Variants in AGBL4 observed in about 807,000 individuals in gnomAD.
AGBL4 encodes the protein AGBL carboxypeptidase 4.
In AGBL4, 58 loss-of-function variants were observed where a neutral mutation model predicts 66.4. The observed-to-expected ratio is 0.87, with a 90% confidence interval of 0.71 to 1.09. AGBL4 has a LOEUF of 1.09. Among genes scored for constraint, AGBL4 ranks in the 50% least tolerant of loss-of-function variants. AGBL4 has a pLI of 0.00. For missense variants in AGBL4, 579 were observed against 631.0 expected (o/e 0.92, Z 0.88); for synonymous variants, 234 against 222.9 (o/e 1.05, Z -0.44).
chr1:49,245,818 T>C lies in AGBL4; in HGVS notation c.329A>G (p.Tyr110Cys). ...IVNFSKTKSLYRDGMAPMVKS... is the reference protein window; with the variant it reads ...IVNFSKTKSLCRDGMAPMVKS... ...CACCATAGGGGCCATCCCATCTCTATAGAGACTCTTGGTTTTACTGAAGTT... is the reference window on the plus strand; with the variant it reads ...CACCATAGGGGCCATCCCATCTCTACAGAGACTCTTGGTTTTACTGAAGTT... The change falls in exon 4 of 14, where the codon TAT becomes TGT. Residue 110 changes from tyrosine to cysteine, a missense_variant. Coordinates refer to ENST00000371839, the MANE Select transcript of AGBL4 (RefSeq NM_032785.4). The C allele has an allele frequency of 1.3e-6, 2 of 1,549,868 alleles. No individual in the cohort carries two copies. Among genetic ancestry groups the C allele is most frequent in the East Asian group, 2.4e-5 (1 of 40,868 alleles).
intron 2 of AGBL4, among the ~76,000 whole-genome samples, chr1:49,838,680 TC>T (rs1645913346): frequency 6.6e-6 from 1 of 152,218 alleles, no homozygotes; most frequent in South Asian, 2.1e-4. Flanking sequence ...AGTTAATATT[TC>T]TTCAAGTGTT....
At chr1:49,964,443 T>C (rs1477679515) in intron 1 of AGBL4, among the ~76,000 whole-genome samples, 4 of 152,032 alleles carry the variant, frequency 2.6e-5, no homozygotes, top group African/African-American at 9.7e-5. Context: ...TAGCTAAAAG[T>C]AAGAGTACTA....
intron 4 of AGBL4, among the ~76,000 whole-genome samples, chr1:49,101,018 G>A (rs1645191009): frequency 6.6e-6 from 1 of 151,998 alleles, no homozygotes; most frequent in Non-Finnish European, 1.5e-5. Flanking sequence ...AATGAGCCTG[G>A]GTTCCAGGGC....
intron 5 of AGBL4, among the ~76,000 whole-genome samples, chr1:48,929,502 C>CT (rs1190242852): frequency 1.3e-5 from 2 of 152,178 alleles, no homozygotes; most frequent in Non-Finnish European, 2.9e-5. Flanking sequence ...ACCTTTGAAT[C>CT]TGGAAACCAC....
intron 9 of AGBL4, among the ~76,000 whole-genome samples, chr1:48,633,365 T>G (rs1645621189): frequency 6.6e-6 from 1 of 152,220 alleles, no homozygotes; most frequent in African/African-American, 2.4e-5. Flanking sequence ...TAGAATGGGT[T>G]ACATTGGTGC....
chr1:49,995,631 C>A (rs1660310978), intron 1 of AGBL4: 1 of 215,934 alleles, frequency 4.6e-6, no homozygotes, highest in African/African-American at 2.3e-5. Flanking sequence ...GCCTGAGACA[C>A]CCAAATACTT....
intron 3 of AGBL4, among the ~76,000 whole-genome samples, chr1:49,540,059 T>C (rs973912554): frequency 1.4e-4 from 22 of 152,262 alleles, no homozygotes; most frequent in African/African-American, 5.3e-4. Context: ...GAAAAGTTAA[T>C]AGAAAGTAAA....
intron 3 of AGBL4, among the ~76,000 whole-genome samples, chr1:49,584,784 TA>T (rs1183621490): frequency 1.2e-4 from 18 of 152,334 alleles, no homozygotes; most frequent in African/African-American, 3.8e-4. Flanking sequence ...GGACTACACT[TA>T]AATGATTAAA....
At chr1:49,221,615 G>T (rs1649501943) in intron 4 of AGBL4, among the ~76,000 whole-genome samples, 1 of 151,980 alleles carries the variant, frequency 6.6e-6, no homozygotes, top group African/African-American at 2.4e-5. Context: ...CTTATTTACT[G>T]TCTTATTGAT....
intron 5 of AGBL4, among the ~76,000 whole-genome samples, chr1:48,885,625 TC>T (rs2148848525): frequency 6.6e-6 from 1 of 152,316 alleles, no homozygotes; most frequent in East Asian, 1.9e-4. Context: ...ATAAAGCCTT[TC>T]CCTTTCTTCT....
intron 3 of AGBL4, among the ~76,000 whole-genome samples, chr1:49,403,918 T>C (rs765056810): frequency 6.6e-5 from 10 of 152,184 alleles, no homozygotes; most frequent in Non-Finnish European, 8.8e-5. Flanking sequence ...TGTCTTCTGA[T>C]AGATCTTTCA....
intron 4 of AGBL4, among the ~76,000 whole-genome samples, chr1:49,118,627 A>C (rs1022725262): frequency 6.6e-6 from 1 of 152,180 alleles, no homozygotes; most frequent in African/African-American, 2.4e-5. Flanking sequence ...TTTTCACATC[A>C]TGTTCAGCAG....
At chr1:49,845,231 G>T in intron 2 of AGBL4, 1 of 1,526,452 alleles carries the variant, frequency 6.6e-7, no homozygotes. Context: ...ATCCACACTG[G>T]GGAGAAACCC....
intron 3 of AGBL4, among the ~76,000 whole-genome samples, chr1:49,452,084 A>T (rs971162323): frequency 6.6e-6 from 1 of 151,644 alleles, no homozygotes; most frequent in African/African-American, 2.4e-5. Flanking sequence ...CCTCTATCTA[A>T]TTGTATACCC....
At chr1:49,860,688 T>C (rs1480246792) in intron 1 of AGBL4, among the ~76,000 whole-genome samples, 1 of 151,370 alleles carries the variant, frequency 6.6e-6, no homozygotes, top group Non-Finnish European at 1.5e-5. Context: ...GTCAGACAGA[T>C]GCTGTCTCAA....
At chr1:49,970,736 C>CACAT (rs1263919827) in intron 1 of AGBL4, among the ~76,000 whole-genome samples, 15 of 121,932 alleles carry the variant, frequency 1.2e-4, no homozygotes, top group African/African-American at 4.0e-4. Context: ...CACACACACA[C>CACAT]ACACACACAC....
chr1:48,758,889 G>T (rs1644097744), intron 6 of AGBL4: 2 of 1,501,334 alleles, frequency 1.3e-6, no homozygotes, highest in Admixed American at 2.2e-5. Context: ...GTGACCTGCT[G>T]GGGCACTCAC....
At chr1:49,519,793 GTGAGTCTA>G (rs1221872601) in intron 3 of AGBL4, among the ~76,000 whole-genome samples, 6 of 152,064 alleles carry the variant, frequency 3.9e-5, no homozygotes, top group Non-Finnish European at 8.8e-5. Context: ...TGCAAACTAG[GTGAGTCTA>G]TGAAGCTGAG....
At chr1:49,157,838 G>A (rs1358352626) in intron 4 of AGBL4, among the ~76,000 whole-genome samples, 1 of 152,120 alleles carries the variant, frequency 6.6e-6, no homozygotes, top group Admixed American at 6.5e-5. Context: ...CAGTGATGAT[G>A]AGCTTTTTTT....
Sources: gnomAD v4.1 joint callset for allele counts (sites outside exome capture counted in the v4.1 genomes callset) on GRCh38, gnomAD v4.1.1 for gene constraint, MANE v1.5 for transcripts, NCBI Gene and HGNC (gene_info 2026-07-23, HGNC 2026-07-21) for gene names.